MAPK9: variants seen among roughly 807,000 people sequenced by gnomAD.
MAPK9 encodes the protein mitogen-activated protein kinase 9.
Under a neutral mutation model 57.1 loss-of-function variants are expected in MAPK9, and 30 were observed. The observed-to-expected ratio is 0.53, with a 90% CI of 0.39 to 0.71. The LOEUF is 0.71. Among genes scored for constraint, MAPK9 ranks in the 30% least tolerant of loss-of-function variants. The pLI is 0.00. For synonymous variants in MAPK9, 155 were observed against 177.0 expected, an observed-to-expected ratio of 0.88 and a Z score of 0.99; for missense variants, 362 against 521.0, an observed-to-expected ratio of 0.69 and a Z score of 2.97.
chr5:180,277,879 G>C (rs748219366), intron 2 of MAPK9, among the ~76,000 whole-genome samples: 21 of 152,070 alleles, frequency 1.4e-4, no homozygotes, highest in Admixed American at 2.6e-4. Flanking sequence ...AGGATACAGA[G>C]AAAAGAGAAA....
At chr5:180,267,559 C>T (rs1760750504) in intron 3 of MAPK9, among the ~76,000 whole-genome samples, 1 of 49,186 alleles carries the variant, frequency 2.0e-5, no homozygotes, top group Non-Finnish European at 4.0e-5. Context: ...GAGACTCCGT[C>T]TCAAAAAAAA....
At chr5:180,255,033 A>T (rs1400966304) in intron 5 of MAPK9, among the ~76,000 whole-genome samples, 3 of 152,058 alleles carry the variant, frequency 2.0e-5, no homozygotes, top group Non-Finnish European at 4.4e-5. Context: ...GACTCCATCT[A>T]AAAAAACATC....
At chr5:180,241,673 G>A (rs1055955690) in intron 8 of MAPK9, among the ~76,000 whole-genome samples, 12 of 152,212 alleles carry the variant, frequency 7.9e-5, no homozygotes, top group South Asian at 2.1e-4. Context: ...GTAGTTTTAC[G>A]CCTCTGGATC....
intron 2 of MAPK9, among the ~76,000 whole-genome samples, chr5:180,274,208 T>C (rs1210780287): frequency 6.6e-6 from 1 of 152,238 alleles, no homozygotes; most frequent in East Asian, 1.9e-4. Flanking sequence ...CTATTTTAAG[T>C]GGTATCCTTT....
At chr5:180,250,697 A>G (rs1251227214) in intron 5 of MAPK9, among the ~76,000 whole-genome samples, 2 of 152,200 alleles carry the variant, frequency 1.3e-5, no homozygotes, top group African/African-American at 4.8e-5. Flanking sequence ...TAGGCTTCCT[A>G]GATTCTGTAA....
chr5:180,278,630 C>T (rs1226938915), intron 2 of MAPK9, among the ~76,000 whole-genome samples: 2 of 152,020 alleles, frequency 1.3e-5, no homozygotes, highest in African/African-American at 2.4e-5. Context: ...ACCCAGGAGG[C>T]GGAGGCTACA....
chr5:180,291,396 G>A lies in MAPK9; in HGVS notation c.-48+452C>T, dbSNP rs142416325. On this transcript the variant is annotated intron_variant, in intron 1 of 11. Coordinates refer to ENST00000452135, the MANE Select transcript of MAPK9 (RefSeq NM_002752.5). ...CCCAGTCTTCCACAGATGCACACCG[G>A]GGTCCTGCCCAGGCGTCTGCATACA... 9.3e-3 allele frequency among the ~76,000 whole-genome samples: 1,422 copies of A among 152,314 alleles called. 10 individuals are homozygous for A. The highest frequency in any genetic ancestry group is 0.016 in the Non-Finnish European group (1,092 of 68,022).
At chr5:180,238,608 C>CTTTTTTT (rs746336177) in intron 10 of MAPK9, among the ~76,000 whole-genome samples, 77 of 85,168 alleles carry the variant, frequency 9.0e-4, no homozygotes, top group Non-Finnish European at 1.3e-3. Context: ...TCTTCTTCTT[C>CTTTTTTT]TTTTTTTTTT....
At chr5:180,283,981 C>A (rs912672320) in intron 1 of MAPK9, among the ~76,000 whole-genome samples, 3 of 151,978 alleles carry the variant, frequency 2.0e-5, no homozygotes, top group African/African-American at 7.3e-5. Context: ...AATAAGGTAC[C>A]CTTATTATGC....
intron 3 of MAPK9, among the ~76,000 whole-genome samples, chr5:180,267,990 AT>A (rs535298765): frequency 6.6e-6 from 1 of 151,688 alleles, no homozygotes. Context: ...ACCCTCCTTA[AT>A]TTTTTGTACT....
intron 2 of MAPK9, among the ~76,000 whole-genome samples, chr5:180,274,312 C>T (rs1458319978): frequency 6.6e-6 from 1 of 152,138 alleles, no homozygotes; most frequent in African/African-American, 2.4e-5. Context: ...TGCAAAAGGG[C>T]TAAACGTACT....
At chr5:180,253,948 T>C (rs976969836) in intron 5 of MAPK9, among the ~76,000 whole-genome samples, 12 of 150,466 alleles carry the variant, frequency 8.0e-5, no homozygotes, top group Non-Finnish European at 1.5e-4. Context: ...CAGTCAGCCT[T>C]TAATGCTTCA....
chr5:180,248,065 G>T, intron 6 of MAPK9: 1 of 686,306 alleles, frequency 1.5e-6, no homozygotes, highest in South Asian at 2.0e-5. Flanking sequence ...CACCTCCTGA[G>T]CGATCATTTT....
Position 180,236,364 on chromosome 5 carries a change from G to A in MAPK9, c.*20C>T. On this transcript the variant is annotated 3_prime_UTR_variant, in exon 12 of 12. Transcript: ENST00000452135. ...GGTGAGAGTTCCTTCAATGCTGACA[G>A]GTTTGCTATTTCTAACCTATCATCG... 1 of 1,591,212 alleles carries A rather than the reference G, an allele frequency of 6.3e-7. No individual in the cohort carries two copies. Among genetic ancestry groups the A allele is most frequent in the Non-Finnish European group, 8.6e-7 (1 of 1,162,852 alleles).
intron 10 of MAPK9, among the ~76,000 whole-genome samples, chr5:180,239,444 T>C (rs971669819): frequency 1.3e-5 from 2 of 152,242 alleles, no homozygotes; most frequent in South Asian, 4.1e-4. Flanking sequence ...TCTCAGTTAC[T>C]ACTGATCCTG....
At chr5:180,248,900 G>A in intron 6 of MAPK9, 73 bp downstream of exon 6, 1 of 1,491,842 alleles carries the variant, frequency 6.7e-7, no homozygotes, top group Non-Finnish European at 9.0e-7. Flanking sequence ...TCAAAGGAAA[G>A]AGAAAAAACT....
Position 180,263,643 on chromosome 5 carries a change from G to A in MAPK9, c.311+1138C>T, listed in dbSNP as rs116517146. ...CCAGGCGGGCATCCACTGCTGTCCTGAGCGCTGTCTGTTCCTTCTATCTCC... is the reference window on the plus strand; with the variant it reads ...CCAGGCGGGCATCCACTGCTGTCCTAAGCGCTGTCTGTTCCTTCTATCTCC... On this transcript the variant is annotated intron_variant, in intron 4 of 11. Transcript: ENST00000452135. 7.7e-3 allele frequency among the ~76,000 whole-genome samples: 1,169 copies of A among 151,830 alleles called. 9 individuals are homozygous for A. The highest frequency in any genetic ancestry group is 0.027 in the African/African-American group (1,103 of 41,382).
chr5:180,288,367 C>T (rs990787943), intron 1 of MAPK9, among the ~76,000 whole-genome samples: 5 of 152,198 alleles, frequency 3.3e-5, no homozygotes, highest in African/African-American at 1.2e-4. Flanking sequence ...CAATCAACAA[C>T]GTATGGCCTT....
At chr5:180,278,002 T>C (rs1761976568) in intron 2 of MAPK9, among the ~76,000 whole-genome samples, 1 of 152,240 alleles carries the variant, frequency 6.6e-6, no homozygotes, top group African/African-American at 2.4e-5. Flanking sequence ...ATTGAAACTG[T>C]TCTTGAATGT....
Sources: gnomAD v4.1 joint callset for allele counts (sites outside exome capture counted in the v4.1 genomes callset) on GRCh38, gnomAD v4.1.1 for gene constraint, MANE v1.5 for transcripts, NCBI Gene and HGNC (gene_info 2026-07-23, HGNC 2026-07-21) for gene names.